Variants in HEATR5A observed in about 807,000 individuals in gnomAD.
HEATR5A encodes the protein HEAT repeat-containing protein 5A.
Under a neutral mutation model 218.8 loss-of-function variants are expected in HEATR5A, and 178 were observed. The ratio of observed to expected loss-of-function variants is 0.81; its 90% CI spans 0.72 to 0.92. HEATR5A has a LOEUF of 0.92. HEATR5A is among the 40% of genes least tolerant of loss of function. HEATR5A has a pLI of 0.00. For synonymous variants in HEATR5A, 864 were observed against 871.6 expected (o/e 0.99, Z 0.15); for missense variants, 2,420 against 2,418.9 (o/e 1.00, Z -0.01).
At chr14:31,298,615 G>A (rs925598619) in intron 33 of HEATR5A, among the ~76,000 whole-genome samples, 1 of 152,104 alleles carries the variant, frequency 6.6e-6, no homozygotes, top group African/African-American at 2.4e-5. Context: ...AAAACTTGTA[G>A]CTATAATATT....
intron 1 of HEATR5A, among the ~76,000 whole-genome samples, chr14:31,411,207 A>C (rs2031260343): frequency 1.3e-5 from 2 of 152,194 alleles, no homozygotes; most frequent in East Asian, 3.8e-4. Flanking sequence ...AAAAACATCC[A>C]GTTTTTGAAA....
intron 27 of HEATR5A, among the ~76,000 whole-genome samples, chr14:31,315,406 C>CA (rs1322198715): frequency 3.3e-5 from 5 of 152,150 alleles, no homozygotes; most frequent in Non-Finnish European, 5.9e-5. Context: ...ACTTACTATT[C>CA]AAAAATCATT....
intron 12 of HEATR5A, 151 bp downstream of exon 12, chr14:31,374,665 C>T (rs562518436): frequency 2.5e-5 from 16 of 632,950 alleles, no homozygotes; most frequent in South Asian, 1.4e-4. Flanking sequence ...ACCAACTAAT[C>T]GGTTATAATT....
At chr14:31,375,028 C>G (rs1902175694) in intron 11 of HEATR5A, 60 bp from the exon 12 acceptor site, 1 of 1,379,274 alleles carries the variant, frequency 7.3e-7, no homozygotes, top group South Asian at 1.4e-5. Flanking sequence ...CTTTAAAACT[C>G]TATTATTAAG....
At chr14:31,375,181 C>T (rs1480228042) in intron 11 of HEATR5A, among the ~76,000 whole-genome samples, 1 of 152,174 alleles carries the variant, frequency 6.6e-6, no homozygotes, top group African/African-American at 2.4e-5. Flanking sequence ...ACTAATGGTA[C>T]AGGCTGGGCT....
chr14:31,365,945 A>T (rs952131419), intron 13 of HEATR5A, among the ~76,000 whole-genome samples: 5 of 152,210 alleles, frequency 3.3e-5, no homozygotes, highest in Non-Finnish European at 7.3e-5. Flanking sequence ...GATTACAGGC[A>T]TGAGCCACCA....
intron 19 of HEATR5A, among the ~76,000 whole-genome samples, chr14:31,347,078 A>C (rs1901046366): frequency 6.6e-6 from 1 of 152,250 alleles, no homozygotes; most frequent in African/African-American, 2.4e-5. Context: ...TTATTTCCCC[A>C]TAATGGGCTA....
intron 13 of HEATR5A, among the ~76,000 whole-genome samples, chr14:31,367,413 T>G (rs1479094895): frequency 6.6e-6 from 1 of 151,828 alleles, no homozygotes; most frequent in Admixed American, 6.6e-5. Flanking sequence ...ATTTATTTAT[T>G]TTTTGAGATG....
chr14:31,403,020 A>G lies in HEATR5A; in HGVS notation c.-45T>C. The G allele has an allele frequency of 6.6e-7, 1 of 1,521,394 alleles. No individual in the cohort carries two copies. Among genetic ancestry groups the G allele is most frequent in the Non-Finnish European group, 8.8e-7 (1 of 1,137,894 alleles). 94.2% of individuals were successfully genotyped at this position (1,521,394 alleles called of 1,614,324 possible). A position where few individuals can be genotyped will look rare whatever the true frequency, so the allele number is the denominator to read the frequency against. ...AGCTGATCACAGTTCTTCTCGTTAA[A>G]CTTTGGTCAATATACCTAACAATAA... is the stretch of plus-strand genomic sequence containing the variant. On this transcript the variant is annotated 5_prime_UTR_variant, in exon 2 of 36. Transcript: ENST00000543095.
intron 22 of HEATR5A, among the ~76,000 whole-genome samples, chr14:31,335,944 T>C (rs1660556653): frequency 6.7e-6 from 1 of 149,450 alleles, no homozygotes; most frequent in African/African-American, 2.4e-5. Flanking sequence ...CGTGAGCCAC[T>C]GTGACCAGCC....
Position 31,343,949 on chromosome 14 carries a change from G to C in HEATR5A, c.3175C>G (p.His1059Asp). 6 of 1,611,982 alleles carry C rather than the reference G, an allele frequency of 3.7e-6. No individual in the cohort carries two copies. Among genetic ancestry groups the C allele is most frequent in the Non-Finnish European group, 4.2e-6 (5 of 1,179,036 alleles). Residue 1059 changes from histidine (H) to aspartate (D), a missense_variant, in exon 21 of 36, where the codon CAT (histidine) becomes GAT (aspartate). By Grantham distance (81) the His-to-Asp change is moderately conservative (BLOSUM62 -1). Coordinates refer to ENST00000543095, the MANE Select transcript of HEATR5A (RefSeq NM_015473.4). The stretch of plus-strand genomic sequence containing the variant: ...TTGACATGTCGTGGAGCAAACATAT[G>C]AAGCTGCTGAAGGCAAGAGATGGCC... Reference protein sequence around the residue: ...AQAISCLQQLHMFAPRHVNLS... With the variant: ...AQAISCLQQLDMFAPRHVNLS...
chr14:31,371,868 C>A lies in HEATR5A; in HGVS notation c.1903G>T (p.Glu635Ter). 6.4e-7 allele frequency: 1 copy of A among 1,553,020 alleles called. No homozygotes were observed. The stretch of plus-strand genomic sequence containing the variant: ...GGAAGAAGACGCTGAGTTACTTCCT[C>A]AGTAAGAAGATCACCACAGTGGGAA... ...FVSHCGDLLT[E>*]EVTQRLLPPL... The change falls in exon 13 of 36, where the codon GAG (glutamate) becomes TAG (stop). Residue 635 changes from glutamate (E) to a stop codon, truncating the protein, a stop_gained. Coordinates refer to ENST00000543095, the MANE Select transcript of HEATR5A (RefSeq NM_015473.4). LOFTEE classifies it high-confidence loss of function.
At chr14:31,336,200 TTATATATACATACATACA>T (rs1443672683) in intron 22 of HEATR5A, among the ~76,000 whole-genome samples, 4 of 112,264 alleles carry the variant, frequency 3.6e-5, no homozygotes, top group Non-Finnish European at 5.5e-5. Context: ...GGGGTTATTT[TTATATATACATACATACA>T]TATATATATA....
chr14:31,321,810 T>C (rs1407535720), intron 24 of HEATR5A, 130 bp from the exon 25 acceptor site: 1 of 673,896 alleles, frequency 1.5e-6, no homozygotes, highest in Non-Finnish European at 2.5e-6. Flanking sequence ...ATACTGTTTT[T>C]GCTGTTTGTT....
intron 34 of HEATR5A, among the ~76,000 whole-genome samples, chr14:31,295,091 T>C (rs544949706): frequency 6.6e-6 from 1 of 152,300 alleles, no homozygotes; most frequent in East Asian, 1.9e-4. Flanking sequence ...GGAGTAGATA[T>C]ATGTGTGATC....
chr14:31,325,723 C>T (rs928676118), intron 23 of HEATR5A, among the ~76,000 whole-genome samples: 2 of 151,904 alleles, frequency 1.3e-5, no homozygotes, highest in African/African-American at 2.4e-5. Flanking sequence ...GCCACGTTGC[C>T]CAGGCTGGTC....
chr14:31,415,275 C>G (rs1282560988), intron 1 of HEATR5A, among the ~76,000 whole-genome samples: 1 of 152,222 alleles, frequency 6.6e-6, no homozygotes, highest in Non-Finnish European at 1.5e-5. Context: ...TGCCAGATGT[C>G]CAGCTAGGCT....
intron 16 of HEATR5A, among the ~76,000 whole-genome samples, chr14:31,353,884 C>T (rs1260102861): frequency 1.3e-5 from 2 of 152,082 alleles, no homozygotes; most frequent in Non-Finnish European, 2.9e-5. Context: ...ACTGCAAGCT[C>T]TGCCTCCCAG....
intron 33 of HEATR5A, among the ~76,000 whole-genome samples, chr14:31,299,502 C>T (rs1337814291): frequency 6.6e-6 from 1 of 151,360 alleles, no homozygotes; most frequent in Non-Finnish European, 1.5e-5. Flanking sequence ...GGCGGATCAT[C>T]TGAGGTCAGG....
Sources: allele counts gnomAD v4.1 joint callset (sites outside exome capture counted in the v4.1 genomes callset), GRCh38; gene constraint gnomAD v4.1.1; transcripts MANE v1.5; gene names NCBI Gene and HGNC (gene_info 2026-07-23, HGNC 2026-07-21).